Variants in FHIT observed in about 807,000 individuals in gnomAD.
FHIT encodes fragile histidine triad diadenosine triphosphatase, also known as bis(5'-adenosyl)-triphosphatase.
In FHIT, 19 loss-of-function variants were observed where a neutral mutation model predicts 17.9. The ratio of observed to expected loss-of-function variants is 1.06; its 90% CI spans 0.74 to 1.56. The LOEUF is 1.56. Among genes scored for constraint, FHIT ranks in the 40% most tolerant of loss-of-function variants. The pLI is 0.00. For missense variants in FHIT, 248 were observed against 189.2 expected (o/e 1.31, Z -1.82); for synonymous variants, 81 against 69.7 (o/e 1.16, Z -0.81).
In FHIT at chr3:60,530,298, T is replaced by C. The variant is rs369297297; in HGVS notation, c.103+6562A>G. 8.8e-4 allele frequency among the ~76,000 whole-genome samples: 134 copies of C among 152,304 alleles called. 2 individuals are homozygous for C. The highest frequency in any genetic ancestry group is 3.0e-3 in the African/African-American group (124 of 41,566). ...AGCAGGAAGTAGTCTAGATGAGGTC[T>C]AGAGACCAACATGTACATGCCTCAG... On this transcript the variant is annotated intron_variant, in intron 5 of 9. Transcript: ENST00000492590.
At chr3:59,928,283 C>T (rs978190695) in intron 7 of FHIT, among the ~76,000 whole-genome samples, 4 of 152,204 alleles carry the variant, frequency 2.6e-5, no homozygotes. Context: ...TAAATTATGG[C>T]TGCAAATGAA....
Position 61,045,143 on chromosome 3 carries a change from A to T in FHIT, c.-163-3044T>A, listed in dbSNP as rs543887208. 6.6e-5 allele frequency among the ~76,000 whole-genome samples: 10 copies of T among 152,342 alleles called. No homozygotes were observed. The East Asian group carries it at 1.9e-3, about 29-fold the overall frequency. On this transcript the variant is annotated intron_variant, in intron 2 of 9. Transcript: ENST00000492590. The stretch of plus-strand genomic sequence containing the variant: ...ATACACACATAACAATATTAACCTT[A>T]AATGTAAATGGGCTAAATGCTCCAA...
chr3:60,026,639 A>G (rs1034514549), intron 5 of FHIT, among the ~76,000 whole-genome samples: 4 of 152,196 alleles, frequency 2.6e-5, no homozygotes, highest in African/African-American at 7.2e-5. Flanking sequence ...TTTTCAAAAT[A>G]TGGTTGCTAA....
chr3:60,350,211 T>C (rs1483636458), intron 5 of FHIT, among the ~76,000 whole-genome samples: 62 of 152,064 alleles, frequency 4.1e-4, no homozygotes, highest in Non-Finnish European at 2.9e-5. Flanking sequence ...GACTCCCAAC[T>C]CAGATGCCTG....
intron 8 of FHIT, among the ~76,000 whole-genome samples, chr3:59,878,200 C>T (rs915891741): frequency 1.3e-5 from 2 of 152,020 alleles, no homozygotes; most frequent in Non-Finnish European, 2.9e-5. Flanking sequence ...CATTTCACTG[C>T]AGTTATGAAA....
At chr3:61,038,960 T>G (rs1392451072) in intron 3 of FHIT, among the ~76,000 whole-genome samples, 1 of 152,184 alleles carries the variant, frequency 6.6e-6, no homozygotes, top group Non-Finnish European at 1.5e-5. Flanking sequence ...TCAGGCTGCA[T>G]GCACATGAAG....
chr3:60,805,811 G>A (rs1486053332), intron 4 of FHIT, among the ~76,000 whole-genome samples: 2 of 151,948 alleles, frequency 1.3e-5, no homozygotes, highest in Admixed American at 6.6e-5. Flanking sequence ...TGCCCACCTC[G>A]GCCTCCCAAA....
chr3:60,157,010 C>T (rs1410006005), intron 5 of FHIT, among the ~76,000 whole-genome samples: 1 of 151,872 alleles, frequency 6.6e-6, no homozygotes, highest in East Asian at 1.9e-4. Context: ...ATTTAAATAA[C>T]TATCCCTTAC....
At chr3:60,786,250 C>T (rs955256312) in intron 4 of FHIT, among the ~76,000 whole-genome samples, 4 of 151,888 alleles carry the variant, frequency 2.6e-5, no homozygotes, top group Non-Finnish European at 4.4e-5. Context: ...GGGAAGATGG[C>T]ATGGAGAGGC....
chr3:59,804,726 T>C (rs1306217396), intron 8 of FHIT, among the ~76,000 whole-genome samples: 1 of 152,204 alleles, frequency 6.6e-6, no homozygotes, highest in African/African-American at 2.4e-5. Context: ...AGCCTTATGT[T>C]CCCTGCCTGC....
At chr3:61,238,822 T>G (rs1426455879) in intron 1 of FHIT, among the ~76,000 whole-genome samples, 3 of 152,236 alleles carry the variant, frequency 2.0e-5, no homozygotes, top group Non-Finnish European at 4.4e-5. Flanking sequence ...TTCATTGTAT[T>G]CATCTGCCTC....
chr3:60,256,672 T>C (rs1388926727), intron 5 of FHIT, among the ~76,000 whole-genome samples: 1 of 152,214 alleles, frequency 6.6e-6, no homozygotes, highest in African/African-American at 2.4e-5. Flanking sequence ...ATTGATAACT[T>C]TGGTAGATCC....
At chr3:61,175,237 G>A (rs2038123070) in intron 2 of FHIT, among the ~76,000 whole-genome samples, 1 of 151,994 alleles carries the variant, frequency 6.6e-6, no homozygotes, top group Non-Finnish European at 1.5e-5. Flanking sequence ...ATTAACAGTA[G>A]TTCAAGTAAT....
chr3:60,294,543 C>G (rs556739590), intron 5 of FHIT, among the ~76,000 whole-genome samples: 1 of 152,172 alleles, frequency 6.6e-6, no homozygotes, highest in Non-Finnish European at 1.5e-5. Context: ...CAGCCACATG[C>G]TGTGCCTAAA....
At chr3:59,908,623 C>T (rs760101579) in intron 8 of FHIT, among the ~76,000 whole-genome samples, 12 of 152,076 alleles carry the variant, frequency 7.9e-5, no homozygotes, top group African/African-American at 2.9e-4. Context: ...CCAAGGACAA[C>T]AGAATCCCTG....
chr3:60,221,680 A>C (rs1328696631), intron 5 of FHIT, among the ~76,000 whole-genome samples: 1 of 152,040 alleles, frequency 6.6e-6, no homozygotes, highest in African/African-American at 2.4e-5. Context: ...CCCAGCTCAT[A>C]GTCATTCCAG....
At chr3:60,098,952 AC>A (rs1704079605) in intron 5 of FHIT, among the ~76,000 whole-genome samples, 1 of 152,136 alleles carries the variant, frequency 6.6e-6, no homozygotes, top group Non-Finnish European at 1.5e-5. Context: ...ACCAATGTTT[AC>A]CTGATCTTAC....
intron 3 of FHIT, among the ~76,000 whole-genome samples, chr3:61,032,999 C>G (rs2033079542): frequency 6.6e-6 from 1 of 152,308 alleles, no homozygotes; most frequent in Admixed American, 6.5e-5. Flanking sequence ...GATGGATATA[C>G]CTGCTCAAAC....
At chr3:60,464,503 C>G (rs1022186145) in intron 5 of FHIT, among the ~76,000 whole-genome samples, 1 of 151,948 alleles carries the variant, frequency 6.6e-6, no homozygotes, top group Non-Finnish European at 1.5e-5. Context: ...CCATCTCCCC[C>G]TCCCCAACTA....
Sources: allele counts gnomAD v4.1 joint callset (sites outside exome capture counted in the v4.1 genomes callset), GRCh38; gene constraint gnomAD v4.1.1; transcripts MANE v1.5; gene names NCBI Gene and HGNC (gene_info 2026-07-23, HGNC 2026-07-21).